Variants in CDC14B observed in about 807,000 individuals in gnomAD.
CDC14B encodes the protein dual specificity protein phosphatase CDC14B.
In CDC14B, 22 loss-of-function variants were observed where a neutral mutation model predicts 64.2. The ratio of observed to expected loss-of-function variants is 0.34; its 90% confidence interval spans 0.24 to 0.49. CDC14B has a LOEUF of 0.49. Among genes scored for constraint, CDC14B ranks in the 20% least tolerant of loss-of-function variants. CDC14B has a pLI of 0.99. For synonymous variants in CDC14B, 191 were observed against 215.8 expected (o/e 0.89, Z 1.01); for missense variants, 498 against 629.9 (o/e 0.79, Z 2.24).
At chr9:96,574,697 CAAAAAAAA>C (rs57056796) in intron 1 of CDC14B, among the ~76,000 whole-genome samples, 5 of 49,962 alleles carry the variant, frequency 1.0e-4, no homozygotes, top group Middle Eastern at 0.012. Context: ...CTCGGTCTCA[CAAAAAAAA>C]AAAAAAAAAA....
intron 4 of CDC14B, among the ~76,000 whole-genome samples, chr9:96,560,398 A>G (rs1280689621): frequency 6.6e-6 from 1 of 152,126 alleles, no homozygotes. Flanking sequence ...TCCCTTTAAT[A>G]TTTTATGAAT....
chr9:96,595,563 C>T (rs1846022189), intron 1 of CDC14B, among the ~76,000 whole-genome samples: 1 of 152,154 alleles, frequency 6.6e-6, no homozygotes, highest in Non-Finnish European at 1.5e-5. Context: ...AAAGGAGAAA[C>T]AACTTGAATG....
chr9:96,494,811 C>T (rs960351456), intron 13 of CDC14B, among the ~76,000 whole-genome samples: 15 of 116,750 alleles, frequency 1.3e-4, no homozygotes, highest in Non-Finnish European at 3.6e-5. Context: ...AGTCTCGTCC[C>T]GTCCCATCCC....
At chr9:96,496,026 C>A (rs917091198), downstream of CDC14B, among the ~76,000 whole-genome samples, 2 of 152,160 alleles carry the variant, frequency 1.3e-5, no homozygotes, top group Non-Finnish European at 2.9e-5. Context: ...GATCATCGCA[C>A]AGGGGCTCCT....
rs147165148 is a variant in CDC14B at position 96,516,267 on chromosome 9, C to G, written c.1343+6239G>C. 2.3e-3 allele frequency among the ~76,000 whole-genome samples: 350 copies of G among 152,284 alleles called. 4 individuals carry two copies. The Middle Eastern group carries it at 0.024, about 10-fold the overall frequency. On this transcript the variant is annotated intron_variant, in intron 12 of 13. Coordinates refer to ENST00000375241, the MANE Select transcript of CDC14B (RefSeq NM_033331.4). Reference sequence around the variant, plus strand: ...ACGTAATACAGCAGAACTGATCTCACTTCAAGGGAGTTACTAACTCCTGAG... The same window carrying G: ...ACGTAATACAGCAGAACTGATCTCAGTTCAAGGGAGTTACTAACTCCTGAG...
chr9:96,571,476 T>C (rs1376203578), intron 1 of CDC14B, among the ~76,000 whole-genome samples: 2 of 152,092 alleles, frequency 1.3e-5, no homozygotes, highest in Non-Finnish European at 2.9e-5. Context: ...GCCTGGGCTA[T>C]AATGAATAAT....
Position 96,617,490 on chromosome 9 carries a change from C to T in CDC14B, c.160+1729G>A, listed in dbSNP as rs1412192243. Among the ~76,000 whole-genome samples the T allele has an allele frequency of 4.6e-5, 7 of 152,192 alleles. No individual in the cohort carries two copies. The East Asian group carries it at 1.4e-3, about 29-fold the overall frequency. ...GGTTTTATTCATAAAACCGTATGTACATTGGCCTAAGCAGTAATTAAAATC... is the reference window on the plus strand; with the variant it reads ...GGTTTTATTCATAAAACCGTATGTATATTGGCCTAAGCAGTAATTAAAATC... On this transcript the variant is annotated intron_variant, in intron 1 of 13. Transcript: ENST00000375241.
intron 4 of CDC14B, 81 bp downstream of exon 4, chr9:96,562,612 G>T: frequency 2.2e-6 from 2 of 921,904 alleles, no homozygotes; most frequent in South Asian, 1.4e-5. Flanking sequence ...ACATTATCTT[G>T]ATTTCAAAAT....
chr9:96,521,776 T>A (rs1836765817), intron 12 of CDC14B, among the ~76,000 whole-genome samples: 2 of 152,158 alleles, frequency 1.3e-5, no homozygotes, highest in Admixed American at 1.3e-4. Flanking sequence ...AAATCTGGTG[T>A]CCCACAATGA....
At chr9:96,551,715 T>C in intron 5 of CDC14B, 81 bp downstream of exon 5, 1 of 1,557,138 alleles carries the variant, frequency 6.4e-7, no homozygotes, top group Non-Finnish European at 8.7e-7. Flanking sequence ...TTACCAGATC[T>C]TCTTTTTTCA....
intron 1 of CDC14B, among the ~76,000 whole-genome samples, chr9:96,568,085 GTTCA>G (rs1844225169): frequency 6.6e-6 from 1 of 152,156 alleles, no homozygotes; most frequent in South Asian, 2.1e-4. Flanking sequence ...TGGGATTGGG[GTTCA>G]TTTTCATTCC....
At chr9:96,545,585 TG>T (rs1178141132) in intron 5 of CDC14B, among the ~76,000 whole-genome samples, 3 of 152,256 alleles carry the variant, frequency 2.0e-5, no homozygotes, top group Non-Finnish European at 2.9e-5. Context: ...TCCAAAGTGC[TG>T]GGATTATAGG....
intron 9 of CDC14B, among the ~76,000 whole-genome samples, chr9:96,525,710 G>A (rs900203921): frequency 2.0e-5 from 3 of 152,194 alleles, no homozygotes; most frequent in Non-Finnish European, 4.4e-5. Flanking sequence ...TGTCTATCCT[G>A]TGCCTGTACC....
chr9:96,521,397 A>G (rs1836696927), intron 12 of CDC14B, among the ~76,000 whole-genome samples: 1 of 152,196 alleles, frequency 6.6e-6, no homozygotes, highest in African/African-American at 2.4e-5. Context: ...CCATTTTTAA[A>G]AAAGTATAGT....
chr9:96,559,995 T>C (rs1046085978), intron 4 of CDC14B, among the ~76,000 whole-genome samples: 7 of 152,204 alleles, frequency 4.6e-5, no homozygotes, highest in South Asian at 2.1e-4. Context: ...TTGTTGTTTG[T>C]TCACTAGTAG....
At chr9:96,598,065 C>T (rs1250213016) in intron 1 of CDC14B, among the ~76,000 whole-genome samples, 2 of 152,070 alleles carry the variant, frequency 1.3e-5, no homozygotes, top group East Asian at 1.9e-4. Flanking sequence ...CAAGTATAAG[C>T]AAATCAAAAG....
At chr9:96,538,700 G>A in intron 7 of CDC14B, 1 of 191,042 alleles carries the variant, frequency 5.2e-6, no homozygotes, top group Non-Finnish European at 1.1e-5. Flanking sequence ...TTCAGCCTAG[G>A]TAACAGAGCG....
chr9:96,619,015 C>A (rs1019986194), intron 1 of CDC14B, among the ~76,000 whole-genome samples: 2 of 151,656 alleles, frequency 1.3e-5, no homozygotes, highest in African/African-American at 4.8e-5. Context: ...TCGCAGCCCA[C>A]GCAGCTAGAA....
chr9:96,551,448 A>G (rs1037964768), intron 5 of CDC14B, among the ~76,000 whole-genome samples: 2 of 152,058 alleles, frequency 1.3e-5, no homozygotes, highest in South Asian at 4.1e-4. Flanking sequence ...CAATGGCAGT[A>G]GTTCTCAGCG....
Sources: allele counts gnomAD v4.1 joint callset (sites outside exome capture counted in the v4.1 genomes callset), GRCh38; gene constraint gnomAD v4.1.1; transcripts MANE v1.5; gene names NCBI Gene and HGNC (gene_info 2026-07-23, HGNC 2026-07-21).